Variants in ADGRV1 observed in about 807,000 individuals in gnomAD.
ADGRV1 encodes the protein adhesion G protein-coupled receptor V1.
ADGRV1 carries 359 observed loss-of-function variants against 596.2 expected under a neutral mutation model. That is an observed-to-expected ratio of 0.60 (90% CI 0.55 to 0.66). ADGRV1 has a LOEUF of 0.66. Among genes scored for constraint, ADGRV1 ranks in the 30% least tolerant of loss-of-function variants. ADGRV1 has a pLI of 0.00. For synonymous variants in ADGRV1, 2,681 were observed against 2,679.2 expected (o/e 1.00, Z -0.02); for missense variants, 7,274 against 7,575.6 (o/e 0.96, Z 1.48).
intron 89 of ADGRV1, among the ~76,000 whole-genome samples, chr5:91,158,819 A>C (rs1796687999): frequency 6.6e-6 from 1 of 151,818 alleles, no homozygotes; most frequent in South Asian, 2.1e-4. Context: ...ATCTCAGTTG[A>C]TGCTCCATAT....
intron 4 of ADGRV1, among the ~76,000 whole-genome samples, chr5:90,620,092 T>C (rs908200863): frequency 2.0e-5 from 3 of 151,958 alleles, no homozygotes; most frequent in African/African-American, 7.3e-5. Flanking sequence ...GCAGCATGAT[T>C]TATAATCCTT....
intron 83 of ADGRV1, among the ~76,000 whole-genome samples, chr5:90,883,662 T>C (rs149014026): frequency 6.6e-6 from 1 of 152,264 alleles, no homozygotes; most frequent in Non-Finnish European, 1.5e-5. Flanking sequence ...TTTTGCTTCT[T>C]CGGCCTTTCA....
In ADGRV1 at chr5:90,851,553, A is replaced by G. The variant is rs138317934; in HGVS notation, c.17205-1731A>G. 7.1e-3 allele frequency among the ~76,000 whole-genome samples: 1,088 copies of G among 152,246 alleles called. 20 individuals carry two copies. The highest frequency in any genetic ancestry group is 0.025 in the African/African-American group (1,059 of 41,534). On this transcript the variant is annotated intron_variant, in intron 79 of 89. Transcript: ENST00000405460. Reference sequence around the variant, plus strand: ...TGAGGAGAATGACGGAATCTAGAACAATCACTTGGAAGCCAAGTAAAAATA... The same window carrying G: ...TGAGGAGAATGACGGAATCTAGAACGATCACTTGGAAGCCAAGTAAAAATA...
At chr5:91,101,781 G>A (rs999235383) in intron 86 of ADGRV1, among the ~76,000 whole-genome samples, 10 of 151,118 alleles carry the variant, frequency 6.6e-5, no homozygotes, top group East Asian at 2.0e-4. Flanking sequence ...ACACACACAC[G>A]TGCGCATGCA....
intron 87 of ADGRV1, among the ~76,000 whole-genome samples, chr5:91,112,690 T>TA (rs978464027): frequency 9.2e-5 from 14 of 151,626 alleles, no homozygotes; most frequent in African/African-American, 2.7e-4. Context: ...ATACATTTTT[T>TA]AAAAAAAAAC....
At chr5:90,951,424 T>A (rs1247770950) in intron 83 of ADGRV1, among the ~76,000 whole-genome samples, 2 of 152,210 alleles carry the variant, frequency 1.3e-5, no homozygotes, top group Non-Finnish European at 2.9e-5. Context: ...CCTGACATTT[T>A]TAAGTTTTAA....
chr5:90,721,500 T>C (rs1750939202), intron 45 of ADGRV1, among the ~76,000 whole-genome samples: 1 of 68,190 alleles, frequency 1.5e-5, no homozygotes, highest in Admixed American at 1.5e-4. Flanking sequence ...CAAGACTTGG[T>C]CTAAAAAATA....
intron 75 of ADGRV1, among the ~76,000 whole-genome samples, chr5:90,816,129 ACACATG>A (rs534489269): frequency 3.9e-5 from 6 of 152,150 alleles, no homozygotes; most frequent in Non-Finnish European, 8.8e-5. Context: ...CTTGGTATGC[ACACATG>A]CACATGTGTA....
chr5:90,819,333 T>G (rs1016148360), intron 75 of ADGRV1, among the ~76,000 whole-genome samples: 1 of 151,626 alleles, frequency 6.6e-6, no homozygotes, highest in African/African-American at 2.4e-5. Flanking sequence ...TTGCTAGCGG[T>G]CTATCTATTT....
rs115477193 is a variant in ADGRV1 at position 91,158,164 on chromosome 5, A to G, written c.18802+4766A>G. On this transcript the variant is annotated intron_variant, in intron 89 of 89. Coordinates refer to ENST00000405460, the MANE Select transcript of ADGRV1 (RefSeq NM_032119.4). ...ATTTTCTACTTGAGATTATGTGACAATGAGCCACCAATTTCTGCCCATGTC... is the reference window on the plus strand; with the variant it reads ...ATTTTCTACTTGAGATTATGTGACAGTGAGCCACCAATTTCTGCCCATGTC... Among the ~76,000 whole-genome samples the G allele has an allele frequency of 8.7e-3, 1,319 of 152,308 alleles. 18 individuals carry two copies. Among genetic ancestry groups the G allele is most frequent in the African/African-American group, 0.029 (1,210 of 41,564 alleles).
At chr5:90,902,664 C>T (rs962243457) in intron 83 of ADGRV1, among the ~76,000 whole-genome samples, 1 of 152,098 alleles carries the variant, frequency 6.6e-6, no homozygotes, top group African/African-American at 2.4e-5. Flanking sequence ...GCGATGATAA[C>T]ATTTTGATTC....
chr5:90,935,472 A>T (rs554181891), intron 83 of ADGRV1, among the ~76,000 whole-genome samples: 2 of 152,334 alleles, frequency 1.3e-5, no homozygotes, highest in South Asian at 4.1e-4. Context: ...GCAGAGGGGA[A>T]TAGTTGTAAC....
chr5:90,792,527 T>G (rs775082167), intron 70 of ADGRV1: 1 of 152,174 alleles, frequency 6.6e-6, no homozygotes, highest in Non-Finnish European at 1.5e-5. Flanking sequence ...CCTCAGTTAA[T>G]GTCCACAGGT....
intron 86 of ADGRV1, among the ~76,000 whole-genome samples, chr5:91,093,851 G>GTT (rs376638151): frequency 0.039 from 5,133 of 132,182 alleles, 173 homozygotes; most frequent in East Asian, 0.12. Context: ...ACATACGTAA[G>GTT]TTTTTTTTTT....
chr5:90,562,321 A>G (rs989050903), intron 1 of ADGRV1, among the ~76,000 whole-genome samples: 1 of 152,026 alleles, frequency 6.6e-6, no homozygotes, highest in African/African-American at 2.4e-5. Context: ...TCCTTTCACA[A>G]GGTAGGTTTG....
intron 84 of ADGRV1, among the ~76,000 whole-genome samples, chr5:90,970,849 G>A (rs1453875901): frequency 2.6e-5 from 4 of 152,164 alleles, no homozygotes; most frequent in African/African-American, 7.2e-5. Context: ...AACAAAGCTA[G>A]ACGGAGAATG....
Position 90,705,553 on chromosome 5 carries a change from T to C in ADGRV1, c.8540T>C (p.Phe2847Ser). ...GAGGCTAACATAACAATTCAGCTTT[T>C]CATCAACAGAGAATTTGGATCTCTA... Reference protein sequence around the residue: ...LQEANITIQLFINREFGSLGA... With the variant: ...LQEANITIQLSINREFGSLGA... The change falls in exon 37 of 90, where the codon TTC (phenylalanine) becomes TCC (serine). Residue 2847 changes from phenylalanine to serine, a missense_variant. By Grantham distance (155) the Phe-to-Ser change is radical. This residue lies in a region of ADGRV1 where 3,643 missense variants were observed against 3,809.2 expected (regional missense o/e 0.96). Coordinates refer to ENST00000405460, the MANE Select transcript of ADGRV1 (RefSeq NM_032119.4). 2 of 1,613,806 alleles carry C rather than the reference T, an allele frequency of 1.2e-6. No homozygotes were observed. The highest frequency in any genetic ancestry group is 1.7e-6 in the Non-Finnish European group (2 of 1,179,778).
In ADGRV1 at chr5:90,965,414, G is replaced by C. The variant is rs760985502; in HGVS notation, c.17857-1G>C. On this transcript the variant is annotated splice_acceptor_variant, in intron 83 of 89. Transcript: ENST00000405460. LOFTEE classifies it high-confidence loss of function. ...AAAATAGAAGTATCTGTTTCTTACAGATTCTGTTTCTGGCGTCTGCATACG... is the reference window on the plus strand; with the variant it reads ...AAAATAGAAGTATCTGTTTCTTACACATTCTGTTTCTGGCGTCTGCATACG... 1.9e-6 allele frequency: 3 copies of C among 1,591,066 alleles called. No homozygotes were observed. The highest frequency in any genetic ancestry group is 1.3e-5 in the African/African-American group (1 of 74,560).
chr5:91,008,230 C>T (rs1228178672), intron 85 of ADGRV1, among the ~76,000 whole-genome samples: 6 of 152,054 alleles, frequency 3.9e-5, no homozygotes, highest in Non-Finnish European at 1.5e-5. Context: ...AGCTGACTTC[C>T]GTGGTCAGGA....
Sources: allele counts gnomAD v4.1 joint callset (sites outside exome capture counted in the v4.1 genomes callset), GRCh38; gene constraint gnomAD v4.1.1; regional missense constraint gnomAD v4.1.1; transcripts MANE v1.5; gene names NCBI Gene and HGNC (gene_info 2026-07-23, HGNC 2026-07-21).